The following CACNA1B variants were observed in gnomAD, a reference collection of about 807,000 sequenced individuals.
The protein encoded by CACNA1B is calcium voltage-gated channel subunit alpha1 B.
Under a neutral mutation model 247.2 loss-of-function variants are expected in CACNA1B, and 70 were observed. The ratio of observed to expected loss-of-function variants is 0.28; its 90% CI spans 0.23 to 0.35. The LOEUF (loss-of-function observed/expected upper bound fraction) is 0.35, where lower values mean the gene tolerates loss of function less well. Ranked by LOEUF, CACNA1B falls within the 10% of genes least tolerant of loss-of-function variation. The pLI is 1.00. For missense variants in CACNA1B, 2,367 were observed against 3,197.4 expected (o/e 0.74, Z 6.26); for synonymous variants, 1,231 against 1,294.4 (o/e 0.95, Z 1.05).
Position 138,010,022 on chromosome 9 carries a change from A to G in CACNA1B, c.2105A>G (p.Asn702Ser), listed in dbSNP as rs201912991. The change falls in exon 17 of 47, where the codon AAT becomes AGT. Residue 702 changes from asparagine (N) to serine (S), a missense_variant. Physicochemically the swap from Asn to Ser is conservative, Grantham distance 46. This residue lies in a region of CACNA1B where 76 missense variants were observed against 191.0 expected (regional missense o/e 0.40). Coordinates refer to ENST00000371372, the MANE Select transcript of CACNA1B (RefSeq NM_000718.4). This position sits in a 1 kb window ranked among gnomAD's most constrained non-coding sequence, Gnocchi z 5.3. ...TGGACCCAACCAGACACTCTGCTGA[A>G]TGTCTTTCTGGCCATCGCTGTGGAC... The part of the protein sequence containing the change: ...LTLFGNYTLL[N>S]VFLAIAVDNL... 6.2e-7 allele frequency: 1 copy of G among 1,613,564 alleles called. No individual in the cohort carries two copies. The highest frequency in any genetic ancestry group is 8.5e-7 in the Non-Finnish European group (1 of 1,179,570).
chr9:137,893,094 C>G (rs899359095), intron 3 of CACNA1B, among the ~76,000 whole-genome samples: 2 of 152,192 alleles, frequency 1.3e-5, no homozygotes, highest in Admixed American at 1.3e-4. Flanking sequence ...CCAGGAGGTG[C>G]CTTTACTCCA....
Position 138,051,593 on chromosome 9 carries a change from G to A in CACNA1B, c.3711-499G>A, listed in dbSNP as rs1436427719. 6.6e-6 allele frequency among the ~76,000 whole-genome samples: 1 copy of A among 151,754 alleles called. No homozygotes were observed. Among genetic ancestry groups the A allele is most frequent in the Non-Finnish European group, 1.5e-5 (1 of 67,970 alleles). On this transcript the variant is annotated intron_variant, in intron 24 of 46. Coordinates refer to ENST00000371372, the MANE Select transcript of CACNA1B (RefSeq NM_000718.4). The surrounding 1 kb of genome is among the most constrained non-coding windows in gnomAD (Gnocchi z 4.3). ...CCCCTCTTCTGTCTTCCCGCTGTCG[G>A]TTTCACGTCAGCGGGAGGAATGTTA...
rs1422374902 is a variant in CACNA1B, at chr9:138,014,405, C to G, written c.2267+1170C>G. 6.6e-6 allele frequency among the ~76,000 whole-genome samples: 1 copy of G among 152,182 alleles called. No homozygotes were observed. Among genetic ancestry groups the G allele is most frequent in the Non-Finnish European group, 1.5e-5 (1 of 68,034 alleles). On this transcript the variant is annotated intron_variant, in intron 18 of 46. Coordinates refer to ENST00000371372, the MANE Select transcript of CACNA1B (RefSeq NM_000718.4). This position sits in a 1 kb window ranked among gnomAD's most constrained non-coding sequence, Gnocchi z 6.2. Reference sequence around the variant, plus strand: ...TTGGGGCAGAAGCAGCTAGAAGAGGCTGCAGCCCGCCGGGGACTCAGGCAG... The same window carrying G: ...TTGGGGCAGAAGCAGCTAGAAGAGGGTGCAGCCCGCCGGGGACTCAGGCAG...
rs201469673 is a variant in CACNA1B, at chr9:138,120,720, C to T, written c.6328C>T (p.Arg2110Trp). 2.1e-4 allele frequency: 322 copies of T among 1,534,120 alleles called. No individual in the cohort carries two copies. Among genetic ancestry groups the T allele is most frequent in the Non-Finnish European group, 2.7e-4 (309 of 1,143,138 alleles). The change falls in exon 46 of 47, where the codon CGG becomes TGG. Residue 2110 changes from arginine (R) to tryptophan (W), a missense_variant. Around this residue, in one of 12 missense-constraint regions of CACNA1B, gnomAD observed 773 missense variants for 779.4 expected, o/e 0.99. Transcript: ENST00000371372. ...RERERRQERG[R>W]SQERRQPSSS... is the part of the protein sequence containing the mutation. ...ACGAGAGCGCCGGCAGGAGCGGGGC[C>T]GGTCCCAGGAGCGGAGGCAGCCCTC...
chr9:138,069,675 C>A, intron 31 of CACNA1B, 83 bp from the exon 32 acceptor site: 1 of 1,010,136 alleles, frequency 9.9e-7, no homozygotes, highest in Non-Finnish European at 1.6e-6. Flanking sequence ...ATGTCTCCGT[C>A]TGTATGTTGT....
intron 3 of CACNA1B, among the ~76,000 whole-genome samples, chr9:137,883,409 G>A (rs1364432724): frequency 3.3e-5 from 5 of 152,356 alleles, no homozygotes; most frequent in African/African-American, 1.2e-4. Flanking sequence ...ACAGTTCCTA[G>A]TGCCAGGAAG....
Position 138,121,024 on chromosome 9 carries a change from T to A in CACNA1B, c.6489+143T>A, listed in dbSNP as rs1962074828. The A allele has an allele frequency of 2.1e-6, 2 of 965,896 alleles. No individual in the cohort carries two copies. Among genetic ancestry groups the A allele is most frequent in the Admixed American group, 5.9e-5 (2 of 33,770 alleles). 59.8% of individuals were successfully genotyped at this position (965,896 alleles called of 1,614,324 possible). A position where few individuals can be genotyped will look rare whatever the true frequency, so the allele number is the denominator to read the frequency against. On this transcript the variant is annotated intron_variant, in intron 46 of 46. Coordinates refer to ENST00000371372, the MANE Select transcript of CACNA1B (RefSeq NM_000718.4). The surrounding 1 kb of genome is among the most constrained non-coding windows in gnomAD (Gnocchi z 6.8). Reference sequence around the variant, plus strand: ...AACCCAAGGGCCGGGCGCTCCCCTCTGTGCCCTGTCCCGGAGCCCACGTCT... The same window carrying A: ...AACCCAAGGGCCGGGCGCTCCCCTCAGTGCCCTGTCCCGGAGCCCACGTCT...
chr9:137,977,620 C>G (rs912024307), intron 12 of CACNA1B, among the ~76,000 whole-genome samples: 2 of 152,176 alleles, frequency 1.3e-5, no homozygotes, highest in African/African-American at 4.8e-5. Flanking sequence ...GGACCTGAAC[C>G]CAGAGCCTAG....
intron 40 of CACNA1B, among the ~76,000 whole-genome samples, chr9:138,113,833 A>G (rs951266011): frequency 7.1e-6 from 1 of 141,198 alleles, no homozygotes; most frequent in African/African-American, 2.8e-5. Context: ...GAGGTGCCCA[A>G]CTCCATCTTG....
intron 10 of CACNA1B, among the ~76,000 whole-genome samples, chr9:137,968,751 T>C (rs1958111269): frequency 6.6e-6 from 1 of 152,190 alleles, no homozygotes; most frequent in East Asian, 1.9e-4. Flanking sequence ...TAGCAAAGAG[T>C]CTGCCTTAGG....
intron 22 of CACNA1B, 143 bp from the exon 23 acceptor site, chr9:138,047,256 C>T (rs1423715563): frequency 4.1e-6 from 3 of 732,896 alleles, no homozygotes; most frequent in African/African-American, 3.5e-5. Context: ...GTCAGAGACC[C>T]CCTTCCCAGA....
rs1326223700 is a variant in CACNA1B, at chr9:137,954,789, A to T, written c.1071-909A>T. ...GGGTCAGTCACGGTCAGAGCCGGGG[A>T]TTGTTGCACCGGGGCTGTGTGTGCT... On this transcript the variant is annotated intron_variant, in intron 7 of 46. Transcript: ENST00000371372. The surrounding 1 kb of genome is among the most constrained non-coding windows in gnomAD (Gnocchi z 4.1). Among the ~76,000 whole-genome samples the T allele has an allele frequency of 6.7e-6, 1 of 149,752 alleles. No homozygotes were observed. Among genetic ancestry groups the T allele is most frequent in the African/African-American group, 2.5e-5 (1 of 40,178 alleles).
intron 40 of CACNA1B, among the ~76,000 whole-genome samples, chr9:138,114,024 A>G (rs1961765314): frequency 6.6e-6 from 1 of 151,684 alleles, no homozygotes; most frequent in South Asian, 2.1e-4. Flanking sequence ...TCCTTGTGGG[A>G]GACGTGAGGG....
intron 44 of CACNA1B, among the ~76,000 whole-genome samples, chr9:138,119,222 A>G (rs954403752): frequency 2.6e-5 from 4 of 151,884 alleles, no homozygotes; most frequent in Non-Finnish European, 4.4e-5. Context: ...CAGTCCCTGG[A>G]CTACTTTTCT....
At chr9:137,926,158 C>T (rs1487911147) in intron 6 of CACNA1B, among the ~76,000 whole-genome samples, 1 of 151,238 alleles carries the variant, frequency 6.6e-6, no homozygotes, top group Non-Finnish European at 1.5e-5. Flanking sequence ...CAAGCTCTGC[C>T]CCCTGGATTC....
At chr9:137,923,280 G>T (rs1231172440) in intron 6 of CACNA1B, among the ~76,000 whole-genome samples, 1 of 148,160 alleles carries the variant, frequency 6.7e-6, no homozygotes, top group Non-Finnish European at 1.5e-5. Context: ...GTATTCCATG[G>T]TGCCAGGTGG....
chr9:137,969,675 T>C (rs1032768563), intron 10 of CACNA1B, among the ~76,000 whole-genome samples: 1 of 152,166 alleles, frequency 6.6e-6, no homozygotes, highest in African/African-American at 2.4e-5. Context: ...AGTGTGTCTG[T>C]GTGAGCATCT....
rs773385970 is a variant in CACNA1B at position 137,971,356 on chromosome 9, A to T, written c.1334-27A>T. ...TAGGCGGGTGCCCATTGGTCCCCAC[A>T]TCCTCAGTAACTCCCCATCCCCTCA... On this transcript the variant is annotated intron_variant, in intron 10 of 46. Transcript: ENST00000371372. This position sits in a 1 kb window ranked among gnomAD's most constrained non-coding sequence, Gnocchi z 4.4. 6.4e-7 allele frequency: 1 copy of T among 1,570,952 alleles called. No individual in the cohort carries two copies. Among genetic ancestry groups the T allele is most frequent in the South Asian group, 1.1e-5 (1 of 87,076 alleles).
chr9:137,910,170 A>G (rs927630636), intron 3 of CACNA1B, among the ~76,000 whole-genome samples: 13 of 152,256 alleles, frequency 8.5e-5, no homozygotes, highest in African/African-American at 3.1e-4. Context: ...TCGTGCACCT[A>G]TCGGCCATTT....
Sources: gnomAD v4.1 joint callset for allele counts (sites outside exome capture counted in the v4.1 genomes callset) on GRCh38, gnomAD v4.1.1 for gene constraint, gnomAD v4.1.1 regional missense constraint, Gnocchi (gnomAD v3.1) non-coding constraint, MANE v1.5 for transcripts, NCBI Gene and HGNC (gene_info 2026-07-23, HGNC 2026-07-21) for gene names.